COPG2: variants seen among roughly 807,000 people sequenced by gnomAD.
The protein encoded by COPG2 is coat protein complex I subunit gamma 2.
Under a neutral mutation model 46.3 loss-of-function variants are expected in COPG2, and 37 were observed. The observed-to-expected ratio is 0.80, with a 90% confidence interval of 0.61 to 1.05. The LOEUF is 1.05. Among genes scored for constraint, COPG2 ranks in the 50% least tolerant of loss-of-function variants. The pLI is 0.00. For missense variants in COPG2, 427 were observed against 387.8 expected (o/e 1.10, Z -0.85); for synonymous variants, 159 against 129.7 (o/e 1.23, Z -1.53).
chr7:130,531,759 G>A (rs1157950610), intron 20 of COPG2, among the ~76,000 whole-genome samples: 2 of 151,968 alleles, frequency 1.3e-5, no homozygotes, highest in South Asian at 4.2e-4. Context: ...GCCTGAAACT[G>A]GAGAGACTGA....
chr7:130,645,132 C>A, intron 5 of COPG2: 5 of 424,454 alleles, frequency 1.2e-5, no homozygotes, highest in East Asian at 6.0e-5. Flanking sequence ...CTGGAAAAAG[C>A]AGGAAAATTA....
At chr7:130,533,506 T>C (rs1218472051) in intron 20 of COPG2, among the ~76,000 whole-genome samples, 1 of 151,628 alleles carries the variant, frequency 6.6e-6, no homozygotes, top group Admixed American at 6.6e-5. Flanking sequence ...CTCAGAAATG[T>C]TGGGACAATG....
chr7:130,513,308 AATATATATATATAT>A (rs1197540092), intron 20 of COPG2, among the ~76,000 whole-genome samples: 5 of 55,670 alleles, frequency 9.0e-5, no homozygotes, highest in African/African-American at 1.9e-4. Context: ...AAAAAAAAAA[AATATATATATATAT>A]ATATATATAT....
At chr7:130,648,724 G>A (rs964788514) in intron 5 of COPG2, among the ~76,000 whole-genome samples, 146 of 152,330 alleles carry the variant, frequency 9.6e-4, no homozygotes, top group African/African-American at 3.2e-3. Flanking sequence ...GTCTCTGCAC[G>A]GGCAGAATTC....
chr7:130,637,676 G>A (rs995950325), intron 5 of COPG2, among the ~76,000 whole-genome samples: 12 of 151,990 alleles, frequency 7.9e-5, no homozygotes, highest in African/African-American at 2.4e-4. Context: ...AACATGCTCC[G>A]TTAGCTCTGA....
intron 23 of COPG2, among the ~76,000 whole-genome samples, 196 bp from the exon 24 acceptor site, chr7:130,507,002 GA>G (rs1799505498): frequency 6.6e-6 from 1 of 152,268 alleles, no homozygotes; most frequent in East Asian, 1.9e-4. Context: ...CAGGTACATA[GA>G]AGGTATTCAA....
chr7:130,623,545 C>T (rs183045900), intron 5 of COPG2, among the ~76,000 whole-genome samples: 243 of 152,316 alleles, frequency 1.6e-3, no homozygotes, highest in Middle Eastern at 3.4e-3. Context: ...TCAGTGACTT[C>T]CCAGCTATTC....
rs1554440141 is a variant in COPG2 at position 130,506,716 on chromosome 7, T to C, written c.2576A>G (p.Glu859Gly). ...TAAGATAACATCTACAGGTGTTCTC[T>C]CTTTACTTCTGACAGTCACCTGCAT... ...VTMQVTVRSK[E>G]RTPVDVILAS... is the part of the protein sequence containing the mutation. The change falls in exon 24 of 24, where the codon GAG becomes GGG. Residue 859 changes from glutamate (E) to glycine (G), a missense_variant. Coordinates refer to ENST00000425248, the MANE Select transcript of COPG2 (RefSeq NM_012133.6). 2.6e-6 allele frequency: 2 copies of C among 780,580 alleles called. No homozygotes were observed. The highest frequency in any genetic ancestry group is 4.8e-6 in the Non-Finnish European group (2 of 417,742). The allele number at this position is 780,580 out of a possible 1,614,324, so 48.4% of individuals were successfully genotyped here.
chr7:130,610,899 G>C (rs1554451953), intron 9 of COPG2, 54 bp downstream of exon 9: 6 of 1,560,174 alleles, frequency 3.8e-6, no homozygotes, highest in Admixed American at 1.7e-5. Context: ...TAAACTCTAA[G>C]GTATATTAAC....
chr7:130,605,223 CTCA>C lies in COPG2; in HGVS notation c.737+5727_737+5729del, dbSNP rs781785478. The C allele has an allele frequency of 5.8e-6, 3 of 520,030 alleles. No homozygotes were observed. In the Admixed American group the frequency reaches 5.8e-5, roughly 10 times the overall value. 32.2% of individuals were successfully genotyped at this position (520,030 alleles called of 1,614,324 possible). ...AAATTCACTAACTCTCTTTGACTCT[CTCA>C]TCAGCCATCTCTAATCTGCTGTTAA... is the stretch of plus-strand genomic sequence containing the variant. On this transcript the variant is annotated intron_variant, in intron 9 of 23. Coordinates refer to ENST00000425248, the MANE Select transcript of COPG2 (RefSeq NM_012133.6).
intron 5 of COPG2, among the ~76,000 whole-genome samples, chr7:130,647,006 TA>T (rs1795621322): frequency 1.3e-4 from 18 of 136,972 alleles, no homozygotes; most frequent in African/African-American, 4.3e-4. Context: ...TGTGTATATA[TA>T]TATGTATATA....
intron 18 of COPG2, among the ~76,000 whole-genome samples, chr7:130,548,844 G>C (rs1476543378): frequency 6.6e-6 from 1 of 152,016 alleles, no homozygotes; most frequent in African/African-American, 2.4e-5. Flanking sequence ...CGTGAACCTA[G>C]GAGGCAGAGC....
intron 20 of COPG2, among the ~76,000 whole-genome samples, chr7:130,525,860 C>A (rs1416621269): frequency 6.6e-6 from 1 of 152,014 alleles, no homozygotes; most frequent in Non-Finnish European, 1.5e-5. Context: ...GGAGGAAAAG[C>A]AGAGGAGGAC....
intron 9 of COPG2, among the ~76,000 whole-genome samples, chr7:130,566,469 G>A (rs973232282): frequency 6.6e-6 from 1 of 152,192 alleles, no homozygotes; most frequent in Non-Finnish European, 1.5e-5. Context: ...TACTAAATAC[G>A]AACCCGAAGG....
intron 9 of COPG2, among the ~76,000 whole-genome samples, chr7:130,592,993 T>C (rs557597620): frequency 1.3e-5 from 2 of 152,352 alleles, no homozygotes; most frequent in South Asian, 2.1e-4. Flanking sequence ...TACACTGACA[T>C]AGAAAGAATG....
intron 9 of COPG2, among the ~76,000 whole-genome samples, chr7:130,586,460 T>C (rs1371767293): frequency 2.0e-5 from 3 of 151,934 alleles, no homozygotes; most frequent in Non-Finnish European, 4.4e-5. Flanking sequence ...CAATAACTTA[T>C]GGAAAAAAAA....
chr7:130,584,284 C>T (rs1554447706), intron 9 of COPG2, among the ~76,000 whole-genome samples: 1 of 151,988 alleles, frequency 6.6e-6, no homozygotes, highest in African/African-American at 2.4e-5. Context: ...AAACTCTCAG[C>T]AAAATTGGTA....
At chr7:130,514,383 T>C (rs1392708093) in intron 20 of COPG2, among the ~76,000 whole-genome samples, 1 of 152,222 alleles carries the variant, frequency 6.6e-6, no homozygotes, top group Non-Finnish European at 1.5e-5. Context: ...GATGAAATTT[T>C]ACTCTATATA....
intron 5 of COPG2, among the ~76,000 whole-genome samples, chr7:130,628,500 C>G (rs1795162049): frequency 6.6e-6 from 1 of 152,066 alleles, no homozygotes; most frequent in African/African-American, 2.4e-5. Context: ...TGCAATTGTT[C>G]TAATATATTT....
Sources: gnomAD v4.1 joint callset for allele counts (sites outside exome capture counted in the v4.1 genomes callset) on GRCh38, gnomAD v4.1.1 for gene constraint, MANE v1.5 for transcripts, NCBI Gene and HGNC (gene_info 2026-07-23, HGNC 2026-07-21) for gene names.